UPP2: variants seen among roughly 807,000 people sequenced by gnomAD.
UPP2 encodes the protein UPase 2.
A neutral mutation model predicts 26.7 loss-of-function variants in UPP2; 23 were observed. The observed-to-expected ratio is 0.86, with a 90% CI of 0.62 to 1.22. The LOEUF (loss-of-function observed/expected upper bound fraction) is 1.22, where lower values mean the gene tolerates loss of function less well. UPP2 is among the 50% of genes most tolerant of loss of function. The pLI is 0.00. For missense variants in UPP2, 387 were observed against 396.7 expected (o/e 0.98, Z 0.21); for synonymous variants, 127 against 141.3 (o/e 0.90, Z 0.72).
intron 3 of UPP2, among the ~76,000 whole-genome samples, chr2:158,081,798 A>G (rs1437780100): frequency 2.6e-5 from 4 of 152,108 alleles, no homozygotes; most frequent in African/African-American, 7.2e-5. Context: ...TGATGTTACC[A>G]GAGGCTAAAA....
At chr2:158,053,773 C>T (rs28529746) in intron 3 of UPP2, among the ~76,000 whole-genome samples, 1,948 of 152,236 alleles carry the variant, frequency 0.013, 42 homozygotes, top group African/African-American at 0.044. Context: ...ATAGTTTACT[C>T]GAAGTGTGAG....
chr2:158,121,091 C>A (rs974689067), intron 4 of UPP2, among the ~76,000 whole-genome samples: 1 of 151,950 alleles, frequency 6.6e-6, no homozygotes, highest in African/African-American at 2.4e-5. Flanking sequence ...TACTTGCTGG[C>A]AGGCTTATTT....
At chr2:158,087,880 T>C (rs1048115740) in intron 3 of UPP2, among the ~76,000 whole-genome samples, 5 of 152,188 alleles carry the variant, frequency 3.3e-5, no homozygotes, top group African/African-American at 1.2e-4. Flanking sequence ...AGTTTCCTTT[T>C]TAGGCTACCT....
At chr2:158,116,347 T>C (rs575303625) in intron 3 of UPP2, among the ~76,000 whole-genome samples, 1 of 152,312 alleles carries the variant, frequency 6.6e-6, no homozygotes, top group East Asian at 1.9e-4. Flanking sequence ...GTTTTTTGTA[T>C]AGTAAATGGA....
intron 2 of UPP2, among the ~76,000 whole-genome samples, chr2:158,110,330 T>C (rs1574297679): frequency 6.6e-6 from 1 of 152,360 alleles, no homozygotes; most frequent in East Asian, 1.9e-4. Flanking sequence ...ACAAAGGACA[T>C]GAACTCATCC....
chr2:158,033,526 G>T (rs900392813), intron 3 of UPP2, among the ~76,000 whole-genome samples: 1 of 152,234 alleles, frequency 6.6e-6, no homozygotes, highest in Non-Finnish European at 1.5e-5. Context: ...CAGCCAGCCA[G>T]CCAGTGAGTA....
rs577016578 is a variant in UPP2 at position 158,073,997 on chromosome 2, A to T, written c.148-28043A>T. On this transcript the variant is annotated intron_variant, in intron 3 of 9. Transcript: ENST00000605860. ...TGAGACCAGCTTGGGCAATGCAGTG[A>T]GACCTTGTCTCTCCAAATTTTTATT... Among the ~76,000 whole-genome samples, 22 of 152,230 alleles carry T rather than the reference A, an allele frequency of 1.4e-4. No homozygotes were observed. In the South Asian group the frequency reaches 4.2e-3, roughly 29 times the overall value.
Position 158,117,910 on chromosome 2 carries a change from T to C in UPP2, c.426T>C (p.Ile142=). ...LHHARCCDVT[I]IRIGTSGGIG... ...ATGCACGGTGCTGCGATGTCACCAT[T>C]ATTAGAATCGGTACATCAGGGGGAA... The change falls in exon 4 of 7, where the codon ATT becomes ATC. Residue 142 remains isoleucine, a synonymous_variant. Transcript: ENST00000005756. 1 of 1,612,406 alleles carries C rather than the reference T, an allele frequency of 6.2e-7. No individual in the cohort carries two copies. Among genetic ancestry groups the C allele is most frequent in the Non-Finnish European group, 8.5e-7 (1 of 1,178,498 alleles).
chr2:158,115,126 A>C lies in UPP2; in HGVS notation c.206A>C (p.Asn69Thr). 2 of 1,606,994 alleles carry C rather than the reference A, an allele frequency of 1.2e-6. No individual in the cohort carries two copies. The change falls in exon 3 of 7, where the codon AAC (asparagine) becomes ACC (threonine). Residue 69 changes from asparagine to threonine, a missense_variant. Transcript: ENST00000005756. ...VKFVCVGGSPNRMKAFALFMH... is the reference protein window; with the variant it reads ...VKFVCVGGSPTRMKAFALFMH... ...TTTGTCTGTGTCGGTGGGAGCCCCA[A>C]CAGAATGAAAGCATTTGCACTGTTT...
At chr2:158,043,799 C>T (rs936964219) in intron 3 of UPP2, among the ~76,000 whole-genome samples, 5 of 152,096 alleles carry the variant, frequency 3.3e-5, no homozygotes, top group Admixed American at 2.6e-4. Flanking sequence ...TCTCTGGGGG[C>T]GGTTTGCCAG....
In UPP2 at chr2:158,051,948, T is replaced by C. The variant is rs527476418; in HGVS notation, c.147+36062T>C. Reference sequence around the variant, plus strand: ...CTGGCCTGGCACACATATCCTCTGCTGGGAAATCCAATGCTGTCTGTCCTA... The same window carrying C: ...CTGGCCTGGCACACATATCCTCTGCCGGGAAATCCAATGCTGTCTGTCCTA... On this transcript the variant is annotated intron_variant, in intron 3 of 9. Transcript: ENST00000605860. Among the ~76,000 whole-genome samples the C allele has an allele frequency of 1.7e-4, 26 of 152,304 alleles. 1 individual carries two copies. The highest frequency in any genetic ancestry group is 1.0e-3 in the South Asian group (5 of 4,830).
intron 3 of UPP2, among the ~76,000 whole-genome samples, chr2:158,074,829 A>T (rs1243294027): frequency 7.0e-6 from 1 of 142,288 alleles, no homozygotes; most frequent in Non-Finnish European, 1.6e-5. Flanking sequence ...GACTGAGAGA[A>T]TTTTTTTTTT....
intron 3 of UPP2, among the ~76,000 whole-genome samples, chr2:158,090,842 T>C (rs900826413): frequency 7.2e-5 from 11 of 152,182 alleles, no homozygotes; most frequent in African/African-American, 2.4e-4. Flanking sequence ...AAACTTGGAA[T>C]AGGCCCCCGT....
intron 3 of UPP2, among the ~76,000 whole-genome samples, chr2:158,040,877 GC>G (rs1684073605): frequency 6.6e-6 from 1 of 152,146 alleles, no homozygotes. Context: ...TACTAGCCAT[GC>G]GCCCAAGGGT....
intron 2 of UPP2, among the ~76,000 whole-genome samples, chr2:158,002,191 G>A (rs12465287): frequency 0.44 from 66,353 of 151,932 alleles, 16,571 homozygotes; most frequent in Admixed American, 0.64. Context: ...GTAAAAACAG[G>A]TTGTTAGGAA....
chr2:158,069,566 C>T (rs918850084), intron 3 of UPP2, among the ~76,000 whole-genome samples: 3 of 152,184 alleles, frequency 2.0e-5, no homozygotes, highest in Non-Finnish European at 2.9e-5. Context: ...TACAGTGCAC[C>T]GTGGTCGTCA....
chr2:158,025,003 A>G (rs1275681323), intron 3 of UPP2, among the ~76,000 whole-genome samples: 1 of 152,104 alleles, frequency 6.6e-6, no homozygotes, highest in Non-Finnish European at 1.5e-5. Context: ...GGAGTTCAAG[A>G]CCAGCCTGGA....
chr2:158,085,250 T>G (rs1682794209), intron 3 of UPP2, among the ~76,000 whole-genome samples: 1 of 152,030 alleles, frequency 6.6e-6, no homozygotes, highest in Non-Finnish European at 1.5e-5. Context: ...TATATTTTAT[T>G]TTATTGCAAC....
intron 3 of UPP2, among the ~76,000 whole-genome samples, chr2:158,064,045 G>A (rs1380216045): frequency 6.6e-6 from 1 of 152,190 alleles, no homozygotes; most frequent in Non-Finnish European, 1.5e-5. Flanking sequence ...GAATAGTGCT[G>A]CAGTAAACAT....
Sources: gnomAD v4.1 joint callset for allele counts (sites outside exome capture counted in the v4.1 genomes callset) on GRCh38, gnomAD v4.1.1 for gene constraint, MANE v1.5 for transcripts, NCBI Gene and HGNC (gene_info 2026-07-23, HGNC 2026-07-21) for gene names.